TPMT: variants seen among roughly 807,000 people sequenced by gnomAD.
The protein encoded by TPMT is thiopurine S-methyltransferase.
Under a neutral mutation model 34.2 loss-of-function variants are expected in TPMT, and 18 were observed. That is an observed-to-expected ratio of 0.53 (90% CI 0.36 to 0.78). TPMT has a LOEUF of 0.78. TPMT is among the 30% of genes least tolerant of loss of function. The pLI is 0.00. For synonymous variants in TPMT, 69 were observed against 92.4 expected, an observed-to-expected ratio of 0.75 and a Z score of 1.45; for missense variants, 265 against 288.1, an observed-to-expected ratio of 0.92 and a Z score of 0.58.
chr6:18,149,317 G>GTGAGACTCCA lies in TPMT; in HGVS notation c.-44-147_-44-146insTGGAGTCTCA. ...TTTCTGGTTTTATTTTTGAGATGGA[G>GTGAGACTCCA]TCTCACTCTGTCTCCCAGCCTGGGG... On this transcript the variant is annotated intron_variant, in intron 1 of 8. Transcript: ENST00000309983. The surrounding 1 kb of genome is among the most constrained non-coding windows in gnomAD (Gnocchi z 5.0). 1.4e-6 allele frequency: 1 copy of GTGAGACTCCA among 717,892 alleles called. No homozygotes were observed. The highest frequency in any genetic ancestry group is 2.2e-6 in the Non-Finnish European group (1 of 452,516). 44.5% of individuals were successfully genotyped at this position (717,892 alleles called of 1,614,324 possible). A position where few individuals can be genotyped will look rare whatever the true frequency, so the allele number is the denominator to read the frequency against.
intron 3 of TPMT, among the ~76,000 whole-genome samples, chr6:18,147,070 G>A (rs1474597393): frequency 6.6e-6 from 1 of 151,912 alleles, no homozygotes; most frequent in Non-Finnish European, 1.5e-5. Context: ...GATTACAGGC[G>A]GAGGCCACCA....
rs558630559 is a variant in TPMT, at chr6:18,146,286, G to A, written c.233+1537C>T. Reference sequence around the variant, plus strand: ...AGTGCATGGGCTCATTGCAACCTCCGCCTCCTGGATTCAAGCAATTCTCCT... The same window carrying A: ...AGTGCATGGGCTCATTGCAACCTCCACCTCCTGGATTCAAGCAATTCTCCT... On this transcript the variant is annotated intron_variant, in intron 3 of 8. Transcript: ENST00000309983. The surrounding 1 kb of genome is among the most constrained non-coding windows in gnomAD (Gnocchi z 6.2). Among the ~76,000 whole-genome samples, 5 of 151,934 alleles carry A rather than the reference G, an allele frequency of 3.3e-5. No homozygotes were observed. In the South Asian group the frequency reaches 6.2e-4, roughly 19 times the overall value.
Position 18,137,174 on chromosome 6 carries a change from G to A in TPMT, c.494+1789C>T, listed in dbSNP as rs533635803. Among the ~76,000 whole-genome samples the A allele has an allele frequency of 2.9e-4, 44 of 151,006 alleles. 3 individuals are homozygous for A. In the South Asian group the frequency reaches 8.8e-3, roughly 30 times the overall value. ...GTTTTTTTAGATGAAATCTCACTCC[G>A]TTGCCCAGGCTGGAGTGCCGTGGCA... On this transcript the variant is annotated intron_variant, in intron 6 of 8. Transcript: ENST00000309983.
Position 18,148,872 on chromosome 6 carries a change from T to C in TPMT, c.140+116A>G, listed in dbSNP as rs995621858. 1 of 1,489,694 alleles carries C rather than the reference T, an allele frequency of 6.7e-7. No homozygotes were observed. Among genetic ancestry groups the C allele is most frequent in the Non-Finnish European group, 9.3e-7 (1 of 1,077,318 alleles). The allele number at this position is 1,489,694 out of a possible 1,614,324, so 92.3% of individuals were successfully genotyped here. A position where few individuals can be genotyped will look rare whatever the true frequency, so the allele number is the denominator to read the frequency against. On this transcript the variant is annotated intron_variant, in intron 2 of 8. Transcript: ENST00000309983. This position sits in a 1 kb window ranked among gnomAD's most constrained non-coding sequence, Gnocchi z 4.1. ...CTGTGACTCGGGAGACACAAAAATG[T>C]GAAGAATTAAATGTGCATCCTAAAA... is the stretch of plus-strand genomic sequence containing the variant.
Position 18,154,439 on chromosome 6 carries a change from T to G in TPMT, c.-45+594A>C, listed in dbSNP as rs1784434649. Among the ~76,000 whole-genome samples the G allele has an allele frequency of 6.6e-6, 1 of 152,186 alleles. No homozygotes were observed. Among genetic ancestry groups the G allele is most frequent in the Non-Finnish European group, 1.5e-5 (1 of 68,032 alleles). On this transcript the variant is annotated intron_variant, in intron 1 of 8. Transcript: ENST00000309983. The surrounding 1 kb of genome is among the most constrained non-coding windows in gnomAD (Gnocchi z 4.2). ...TTAAAAGAGTATGACTCGGTGAATTTTTTACATATACATACACCTGTGTAA... is the reference window on the plus strand; with the variant it reads ...TTAAAAGAGTATGACTCGGTGAATTGTTTACATATACATACACCTGTGTAA...
At chr6:18,147,937 G>T (rs745966978) in intron 2 of TPMT, 22 bp from the exon 3 acceptor site, 18 of 1,579,024 alleles carry the variant, frequency 1.1e-5, no homozygotes, top group Non-Finnish European at 1.6e-5. Context: ...AAAAAAAAAG[G>T]TTTTAGGACA....
At chr6:18,133,669 A>C (rs989123186) in intron 7 of TPMT, 135 bp downstream of exon 7, 1 of 690,074 alleles carries the variant, frequency 1.4e-6, no homozygotes, top group Non-Finnish European at 2.5e-6. Flanking sequence ...CAAAACTGGA[A>C]TTATCTCCAT....
At position 18,145,102 on chromosome 6, in the gene TPMT, T is replaced by G. The variant is rs1283004914; in HGVS notation, c.234-1374A>C. On this transcript the variant is annotated intron_variant, in intron 3 of 8. Transcript: ENST00000309983. The surrounding 1 kb of genome is among the most constrained non-coding windows in gnomAD (Gnocchi z 5.6). ...ATCTAGGCACAGTTATGATTTTATG[T>G]CAAGTGAAATAAAAACATAGTTCTG... 1.3e-5 allele frequency among the ~76,000 whole-genome samples: 2 copies of G among 152,164 alleles called. No homozygotes were observed. Among genetic ancestry groups the G allele is most frequent in the Admixed American group, 6.5e-5 (1 of 15,268 alleles).
Position 18,132,220 on chromosome 6 carries a change from G to T in TPMT, c.581-43C>A. ...AAATTCTGAGTTTATTTCCAATGACGTAGGTGTACTTGTTCTACATACAAC... is the reference window on the plus strand; with the variant it reads ...AAATTCTGAGTTTATTTCCAATGACTTAGGTGTACTTGTTCTACATACAAC... On this transcript the variant is annotated intron_variant, in intron 7 of 8. Coordinates refer to ENST00000309983, the MANE Select transcript of TPMT (RefSeq NM_000367.5). This position sits in a 1 kb window ranked among gnomAD's most constrained non-coding sequence, Gnocchi z 4.8. The T allele has an allele frequency of 6.3e-7, 1 of 1,580,386 alleles. No homozygotes were observed. Among genetic ancestry groups the T allele is most frequent in the Non-Finnish European group, 8.7e-7 (1 of 1,150,092 alleles).
rs1784036595 is a variant in TPMT at position 18,136,040 on chromosome 6, GC to G, written c.495-2152del. ...GGAAATAACTGACCTCAGGTGATCTGCCCACCTCAGCCTCCCAAAGTGCTGG... is the reference window on the plus strand; with the variant it reads ...GGAAATAACTGACCTCAGGTGATCTGCCACCTCAGCCTCCCAAAGTGCTGG... On this transcript the variant is annotated intron_variant, in intron 6 of 8. Transcript: ENST00000309983. The surrounding 1 kb of genome is among the most constrained non-coding windows in gnomAD (Gnocchi z 4.7). 6.6e-6 allele frequency among the ~76,000 whole-genome samples: 1 copy of G among 151,436 alleles called. No homozygotes were observed. Among genetic ancestry groups the G allele is most frequent in the African/African-American group, 2.4e-5 (1 of 41,270 alleles).
rs1281388908 is a variant in TPMT, at chr6:18,138,089, G to A, written c.494+874C>T. 2.0e-5 allele frequency among the ~76,000 whole-genome samples: 3 copies of A among 152,022 alleles called. No homozygotes were observed. Among genetic ancestry groups the A allele is most frequent in the Non-Finnish European group, 2.9e-5 (2 of 68,012 alleles). ...GCCACCACACCCGGCCACAAGTATG[G>A]ACTTCAAAGCCAAACACTCTGGTTT... On this transcript the variant is annotated intron_variant, in intron 6 of 8. Transcript: ENST00000309983. The surrounding 1 kb of genome is among the most constrained non-coding windows in gnomAD (Gnocchi z 4.1).
rs1784436670 is a variant in TPMT, at chr6:18,154,495, C to T, written c.-45+538G>A. Among the ~76,000 whole-genome samples, 1 of 152,170 alleles carries T rather than the reference C, an allele frequency of 6.6e-6. No individual in the cohort carries two copies. Among genetic ancestry groups the T allele is most frequent in the African/African-American group, 2.4e-5 (1 of 41,440 alleles). ...GCAGAGCAAGACAGAATATTTACAG[C>T]ACCCCAGTTTCCCACATCACCAGGG... On this transcript the variant is annotated intron_variant, in intron 1 of 8. Transcript: ENST00000309983. The surrounding 1 kb of genome is among the most constrained non-coding windows in gnomAD (Gnocchi z 4.2).
Position 18,147,870 on chromosome 6 carries a change from T to A in TPMT, c.186A>T (p.Gly62=), listed in dbSNP as rs769059253. Residue 62 remains glycine (G), a synonymous_variant, in exon 3 of 9, where the codon GGA becomes GGT. Transcript: ENST00000309983. ...CGCAAAGAGGAAAAAATACCCTCAG[T>A]CCACTCTTGCCTTTAAGGAAAGTAT... ...HLDTFLKGKS[G]LRVFFPLCGK... 2 of 1,613,666 alleles carry A rather than the reference T, an allele frequency of 1.2e-6. No individual in the cohort carries two copies. The highest frequency in any genetic ancestry group is 2.7e-5 in the African/African-American group (2 of 74,842).
chr6:18,146,146 G>A lies in TPMT; in HGVS notation c.233+1677C>T, dbSNP rs1420756606. Among the ~76,000 whole-genome samples, 1 of 151,706 alleles carries A rather than the reference G, an allele frequency of 6.6e-6. No individual in the cohort carries two copies. Among genetic ancestry groups the A allele is most frequent in the African/African-American group, 2.4e-5 (1 of 41,238 alleles). Reference sequence around the variant, plus strand: ...ATCATAACTTCTTAACTTCTTACATGTAATTACAGTAGCTCAGTTCATATA... The same window carrying A: ...ATCATAACTTCTTAACTTCTTACATATAATTACAGTAGCTCAGTTCATATA... On this transcript the variant is annotated intron_variant, in intron 3 of 8. Transcript: ENST00000309983. This position sits in a 1 kb window ranked among gnomAD's most constrained non-coding sequence, Gnocchi z 6.2.
chr6:18,133,288 C>T (rs964578103), intron 7 of TPMT, among the ~76,000 whole-genome samples: 1 of 152,144 alleles, frequency 6.6e-6, no homozygotes, highest in Non-Finnish European at 1.5e-5. Context: ...AACATACCCC[C>T]AACAGATTCA....
chr6:18,130,594 C>T lies in TPMT; in HGVS notation c.*74G>A, dbSNP rs901895936. On this transcript the variant is annotated 3_prime_UTR_variant, in exon 9 of 9. Coordinates refer to ENST00000309983, the MANE Select transcript of TPMT (RefSeq NM_000367.5). The surrounding 1 kb of genome is among the most constrained non-coding windows in gnomAD (Gnocchi z 4.2). ...AACAATTTTAAAAATTCATCCATTA[C>T]ATTTTCAGGCTTTAGCATAATTTTC... is the stretch of plus-strand genomic sequence containing the variant. The T allele has an allele frequency of 1.8e-5, 18 of 1,016,514 alleles. No homozygotes were observed. The highest frequency in any genetic ancestry group is 3.0e-4 in the Middle Eastern group (1 of 3,280). The allele number at this position is 1,016,514 out of a possible 1,614,324, so 63.0% of individuals were successfully genotyped here.
In TPMT at chr6:18,148,790, TAC is replaced by T. The variant is rs1220995240; in HGVS notation, c.140+196_140+197del. On this transcript the variant is annotated intron_variant, in intron 2 of 8. Coordinates refer to ENST00000309983, the MANE Select transcript of TPMT (RefSeq NM_000367.5). This position sits in a 1 kb window ranked among gnomAD's most constrained non-coding sequence, Gnocchi z 4.1. The stretch of plus-strand genomic sequence containing the variant: ...ATCATTTGTAAGCCACACCATTATT[TAC>T]ACACTGTGGGAAGAAAAGACTCTGC... Among the ~76,000 whole-genome samples, 3 of 152,226 alleles carry T rather than the reference TAC, an allele frequency of 2.0e-5. No homozygotes were observed. The highest frequency in any genetic ancestry group is 4.4e-5 in the Non-Finnish European group (3 of 68,024).
rs1156454376 is a variant in TPMT at position 18,135,327 on chromosome 6, T to C, written c.495-1438A>G. The stretch of plus-strand genomic sequence containing the variant: ...CTAGGACTGAAAGACTTCATTCCTC[T>C]TAGAATGTGAAGTTTTTCTCTCTCA... On this transcript the variant is annotated intron_variant, in intron 6 of 8. Coordinates refer to ENST00000309983, the MANE Select transcript of TPMT (RefSeq NM_000367.5). This position sits in a 1 kb window ranked among gnomAD's most constrained non-coding sequence, Gnocchi z 5.0. Among the ~76,000 whole-genome samples the C allele has an allele frequency of 6.6e-6, 1 of 152,198 alleles. No individual in the cohort carries two copies. Among genetic ancestry groups the C allele is most frequent in the South Asian group, 2.1e-4 (1 of 4,832 alleles).
At position 18,149,696 on chromosome 6, in the gene TPMT, C is replaced by T. The variant is rs543366267; in HGVS notation, c.-44-525G>A. Among the ~76,000 whole-genome samples the T allele has an allele frequency of 1.4e-4, 22 of 152,238 alleles. No homozygotes were observed. The highest frequency in any genetic ancestry group is 3.4e-3 in the Middle Eastern group (1 of 294). ...GTCCAGACAACAAAGAACGCCTGGG[C>T]TCAAGGGATCCTTCTGTCTTGGCCT... On this transcript the variant is annotated intron_variant, in intron 1 of 8. Coordinates refer to ENST00000309983, the MANE Select transcript of TPMT (RefSeq NM_000367.5). This position sits in a 1 kb window ranked among gnomAD's most constrained non-coding sequence, Gnocchi z 5.0.
Sources: allele counts gnomAD v4.1 joint callset (sites outside exome capture counted in the v4.1 genomes callset), GRCh38; gene constraint gnomAD v4.1.1; non-coding constraint Gnocchi (gnomAD v3.1); transcripts MANE v1.5; gene names NCBI Gene and HGNC (gene_info 2026-07-23, HGNC 2026-07-21).